SCD5: variants seen among roughly 807,000 people sequenced by gnomAD.
SCD5 encodes stearoyl-CoA desaturase 5, also known as acyl-CoA-desaturase 4.
In SCD5, 20 loss-of-function variants were observed where a neutral mutation model predicts 30.4. That is an observed-to-expected ratio of 0.66 (90% CI 0.46 to 0.96). The LOEUF (loss-of-function observed/expected upper bound fraction) is 0.96. SCD5 is among the 40% of genes least tolerant of loss of function. The pLI is 0.00. For missense variants in SCD5, 381 were observed against 443.3 expected (o/e 0.86, Z 1.26); for synonymous variants, 173 against 176.4 (o/e 0.98, Z 0.16).
At chr4:82,686,165 C>T (rs914124264) in intron 2 of SCD5, among the ~76,000 whole-genome samples, 4 of 152,088 alleles carry the variant, frequency 2.6e-5, no homozygotes, top group Non-Finnish European at 5.9e-5. Flanking sequence ...GCCACTATGC[C>T]CAGCTAATTT....
intron 1 of SCD5, among the ~76,000 whole-genome samples, chr4:82,727,295 T>A (rs529818176): frequency 6.6e-6 from 1 of 152,310 alleles, no homozygotes; most frequent in South Asian, 2.1e-4. Flanking sequence ...AGGGATGCCA[T>A]CTGCATAGAA....
intron 1 of SCD5, among the ~76,000 whole-genome samples, chr4:82,780,921 T>C (rs1285017322): frequency 6.6e-6 from 1 of 152,212 alleles, no homozygotes; most frequent in Non-Finnish European, 1.5e-5. Context: ...TTCACAGTGC[T>C]TTGTATTTCC....
chr4:82,741,853 C>CGGGGGGGGGGGAG (rs34875819), intron 1 of SCD5, among the ~76,000 whole-genome samples: 1 of 45,406 alleles, frequency 2.2e-5, no homozygotes, highest in African/African-American at 7.3e-5. Context: ...TCAGAGTGGG[C>CGGGGGGGGGGGAG]GGGGGGGGGG....
At position 82,798,297 on chromosome 4, in the gene SCD5, G is replaced by A. The variant is rs769371068; in HGVS notation, c.232+9C>T. ...AGGCCGGGGCGCAGGGGGCGCCGGC[G>A]GGACTTACCCCAGAGCAGAGTGAGT... is the stretch of plus-strand genomic sequence containing the variant. On this transcript the variant is annotated intron_variant, in intron 1 of 4. Coordinates refer to ENST00000319540, the MANE Select transcript of SCD5 (RefSeq NM_001037582.3). The A allele has an allele frequency of 6.4e-7, 1 of 1,561,728 alleles. No individual in the cohort carries two copies.
intron 2 of SCD5, chr4:82,691,621 G>C (rs1429315424): frequency 6.6e-6 from 1 of 152,104 alleles, no homozygotes; most frequent in Admixed American, 6.5e-5. Flanking sequence ...TATCCTAGAG[G>C]TGACTTTCAT....
intron 3 of SCD5, among the ~76,000 whole-genome samples, chr4:82,665,189 A>AAGCCTGAG (rs1406619709): frequency 6.9e-5 from 10 of 145,024 alleles, no homozygotes; most frequent in African/African-American, 2.6e-4. Flanking sequence ...AGCAGCTATG[A>AAGCCTGAG]TCATGTCACT....
At chr4:82,770,376 C>T (rs570900000) in intron 1 of SCD5, among the ~76,000 whole-genome samples, 6 of 152,272 alleles carry the variant, frequency 3.9e-5, no homozygotes, top group Admixed American at 2.0e-4. Context: ...CTGTGATCAT[C>T]AGAGCAGGAG....
chr4:82,754,442 G>A (rs771459777), intron 1 of SCD5, among the ~76,000 whole-genome samples: 21 of 145,134 alleles, frequency 1.4e-4, no homozygotes, highest in South Asian at 2.4e-4. Flanking sequence ...ATCTCAGTGC[G>A]TGGTCACTTG....
chr4:82,689,847 C>T (rs2148823784), intron 2 of SCD5, among the ~76,000 whole-genome samples: 1 of 152,314 alleles, frequency 6.6e-6, no homozygotes, highest in African/African-American at 2.4e-5. Flanking sequence ...TCATGTGCCT[C>T]TTTTTCAATG....
intron 3 of SCD5, among the ~76,000 whole-genome samples, chr4:82,642,448 T>C (rs1560522089): frequency 6.6e-6 from 1 of 152,234 alleles, no homozygotes; most frequent in Non-Finnish European, 1.5e-5. Context: ...GGATACTGTG[T>C]ACACTCTAGA....
intron 2 of SCD5, among the ~76,000 whole-genome samples, chr4:82,698,999 T>C (rs1333837204): frequency 1.3e-5 from 2 of 152,192 alleles, no homozygotes; most frequent in African/African-American, 2.4e-5. Context: ...GCTTAACACA[T>C]GTGTTTGCTG....
chr4:82,739,789 A>G lies in SCD5; in HGVS notation c.233-34376T>C, dbSNP rs767934679. On this transcript the variant is annotated intron_variant, in intron 1 of 4. Transcript: ENST00000319540. Reference sequence around the variant, plus strand: ...CGTGAAAAGCCACGATGAAAACTTGATAATTTTTTTAGCACAGCATATTCT... The same window carrying G: ...CGTGAAAAGCCACGATGAAAACTTGGTAATTTTTTTAGCACAGCATATTCT... Among the ~76,000 whole-genome samples, 5 of 152,244 alleles carry G rather than the reference A, an allele frequency of 3.3e-5. No individual in the cohort carries two copies. In the South Asian group the frequency reaches 6.2e-4, roughly 19 times the overall value.
chr4:82,665,074 ATAT>A (rs140992457), intron 3 of SCD5, among the ~76,000 whole-genome samples: 41,188 of 79,470 alleles, frequency 0.52, 7,462 homozygotes, highest in East Asian at 0.64. Flanking sequence ...ATATATATAT[ATAT>A]TTTTTTTTTA....
At chr4:82,723,338 C>T (rs1375496155) in intron 1 of SCD5, among the ~76,000 whole-genome samples, 1 of 152,034 alleles carries the variant, frequency 6.6e-6, no homozygotes, top group Non-Finnish European at 1.5e-5. Context: ...TTCACAAATC[C>T]CTAAATGTCT....
chr4:82,739,894 C>T (rs945583856), intron 1 of SCD5, among the ~76,000 whole-genome samples: 2 of 152,112 alleles, frequency 1.3e-5, no homozygotes, highest in Admixed American at 6.6e-5. Context: ...AAATCTAAGG[C>T]GAGTGCAGGT....
rs34852290 is a variant in SCD5 at position 82,741,099 on chromosome 4, ATTTTT to A, written c.233-35691_233-35687del. Among the ~76,000 whole-genome samples, 852 of 139,242 alleles carry A rather than the reference ATTTTT, an allele frequency of 6.1e-3. 6 individuals carry two copies. Among genetic ancestry groups the A allele is most frequent in the African/African-American group, 0.021 (796 of 38,118 alleles). The allele number at this position is 139,242 out of a possible 152,430, so 91.3% of individuals were successfully genotyped here. A position where few individuals can be genotyped will look rare whatever the true frequency, so the allele number is the denominator to read the frequency against. On this transcript the variant is annotated intron_variant, in intron 1 of 4. Transcript: ENST00000319540. ...TGGGACTACAGGCGTGTGCCAGCTA[ATTTTT>A]TTTTTTTTTTTTTTCGTAGAGACAG...
intron 4 of SCD5, 152 bp from the exon 5 acceptor site, chr4:82,631,669 T>C: frequency 1.4e-6 from 1 of 696,120 alleles, no homozygotes; most frequent in Non-Finnish European, 2.3e-6. Flanking sequence ...CCAAAGGCAT[T>C]GACTTAGTTA....
intron 1 of SCD5, among the ~76,000 whole-genome samples, chr4:82,719,671 T>C (rs7689732): frequency 0.23 from 33,996 of 150,776 alleles, 4,483 homozygotes; most frequent in Middle Eastern, 0.35. Context: ...GCCCAGCTAA[T>C]TTTTTGTATA....
chr4:82,786,526 G>A (rs545706489), intron 1 of SCD5, among the ~76,000 whole-genome samples: 73 of 152,196 alleles, frequency 4.8e-4, no homozygotes, highest in South Asian at 1.2e-3. Context: ...TCGGCCAGGC[G>A]CAGTGGCTCA....
Sources: allele counts gnomAD v4.1 joint callset (sites outside exome capture counted in the v4.1 genomes callset), GRCh38; gene constraint gnomAD v4.1.1; transcripts MANE v1.5; gene names NCBI Gene and HGNC (gene_info 2026-07-23, HGNC 2026-07-21).